ADAM12: variants seen among roughly 807,000 people sequenced by gnomAD.
ADAM12 encodes the protein ADAM metallopeptidase domain 12.
Under a neutral mutation model 106.4 loss-of-function variants are expected in ADAM12, and 70 were observed. That is an observed-to-expected ratio of 0.66 (90% CI 0.54 to 0.80). ADAM12 has a LOEUF of 0.80. Among genes scored for constraint, ADAM12 ranks in the 30% least tolerant of loss-of-function variants. The pLI is 0.00. For synonymous variants in ADAM12, 420 were observed against 433.5 expected (o/e 0.97, Z 0.39); for missense variants, 1,010 against 1,171.9 (o/e 0.86, Z 2.02).
At chr10:126,031,844 G>A (rs752936588) in intron 21 of ADAM12, among the ~76,000 whole-genome samples, 1 of 152,186 alleles carries the variant, frequency 6.6e-6, no homozygotes, top group Non-Finnish European at 1.5e-5. Context: ...TCTTTAAGAT[G>A]CAGTGAACAG....
At position 126,220,907 on chromosome 10, in the gene ADAM12, C is replaced by G. The variant is rs114515281; in HGVS notation, c.260+58008G>C. 4.5e-3 allele frequency among the ~76,000 whole-genome samples: 683 copies of G among 152,370 alleles called. 6 individuals carry two copies. Among genetic ancestry groups the G allele is most frequent in the African/African-American group, 0.015 (641 of 41,586 alleles). On this transcript the variant is annotated intron_variant, in intron 3 of 22. Transcript: ENST00000448723. ...GATCAGTGCCTTGGGGCAGGGAAAC[C>G]CGCATCTCCAGCAGGCCACATGGAG...
chr10:126,033,554 G>T (rs556545239), intron 21 of ADAM12, among the ~76,000 whole-genome samples: 1 of 152,250 alleles, frequency 6.6e-6, no homozygotes, highest in Non-Finnish European at 1.5e-5. Flanking sequence ...CTGCTATCTT[G>T]AGCCAAAAGA....
chr10:126,104,694 A>G (rs969098390), intron 8 of ADAM12, among the ~76,000 whole-genome samples: 1 of 152,170 alleles, frequency 6.6e-6, no homozygotes, highest in African/African-American at 2.4e-5. Context: ...GCCTAGAAGC[A>G]TGAGTGTCAG....
chr10:126,026,509 G>T (rs1359370287), intron 21 of ADAM12, among the ~76,000 whole-genome samples: 1 of 152,070 alleles, frequency 6.6e-6, no homozygotes, highest in Non-Finnish European at 1.5e-5. Context: ...CTCTAAAATT[G>T]ATCACGTAAT....
chr10:126,383,123 T>C (rs143672198), intron 1 of ADAM12, among the ~76,000 whole-genome samples: 3 of 151,916 alleles, frequency 2.0e-5, no homozygotes, highest in African/African-American at 7.3e-5. Context: ...TTTTTAAAAA[T>C]TTTTTGTTGA....
chr10:126,220,314 A>G (rs982395206), intron 3 of ADAM12, among the ~76,000 whole-genome samples: 1 of 152,214 alleles, frequency 6.6e-6, no homozygotes, highest in African/African-American at 2.4e-5. Flanking sequence ...AGGTGCTGAT[A>G]CTACAGTCCT....
At chr10:126,205,969 A>G (rs1019073144) in intron 3 of ADAM12, among the ~76,000 whole-genome samples, 3 of 152,252 alleles carry the variant, frequency 2.0e-5, no homozygotes, top group Non-Finnish European at 2.9e-5. Context: ...CACATAAAAA[A>G]TAACACATCA....
intron 11 of ADAM12, among the ~76,000 whole-genome samples, chr10:126,086,680 A>AAAATATATATATATATAT (rs1554966976): frequency 8.2e-5 from 2 of 24,266 alleles, no homozygotes; most frequent in Non-Finnish European, 1.2e-4. Flanking sequence ...AAAAAAAAAA[A>AAAATATATATATATATAT]ATATATATAT....
At chr10:126,282,877 G>C (rs1278252504) in intron 2 of ADAM12, among the ~76,000 whole-genome samples, 1 of 152,068 alleles carries the variant, frequency 6.6e-6, no homozygotes, top group African/African-American at 2.4e-5. Flanking sequence ...GCTGGGGGTG[G>C]GGGATGGTTT....
At position 126,202,499 on chromosome 10, in the gene ADAM12, TTCTC is replaced by T. The variant is rs139026512; in HGVS notation, c.261-47198_261-47195del. Among the ~76,000 whole-genome samples the T allele has an allele frequency of 3.1e-3, 467 of 149,384 alleles. 3 individuals are homozygous for T. The highest frequency in any genetic ancestry group is 0.018 in the South Asian group (85 of 4,742). Reference sequence around the variant, plus strand: ...GAAAAACCCCAAAATGCTCTACTACTTCTCTCTCTCTCTCTCTCTCTCTTTAACC... The same window carrying T: ...GAAAAACCCCAAAATGCTCTACTACTTCTCTCTCTCTCTCTCTCTTTAACC... On this transcript the variant is annotated intron_variant, in intron 3 of 22. Transcript: ENST00000448723.
At position 126,080,990 on chromosome 10, in the gene ADAM12, G is replaced by C. The variant is rs558907291; in HGVS notation, c.1146-9336C>G. ...TTTATCAACCTCGACAGTAGAAGTC[G>C]GGAGTTATCTGACTTGCAAAAGCTC... is the stretch of plus-strand genomic sequence containing the variant. On this transcript the variant is annotated intron_variant, in intron 11 of 22. Coordinates refer to ENST00000448723, the MANE Select transcript of ADAM12 (RefSeq NM_001288973.2). Among the ~76,000 whole-genome samples the C allele has an allele frequency of 4.6e-5, 7 of 152,160 alleles. No homozygotes were observed. In the South Asian group the frequency reaches 8.3e-4, roughly 18 times the overall value.
chr10:126,121,131 CTAT>C (rs1956090314), intron 5 of ADAM12, among the ~76,000 whole-genome samples: 1 of 81,372 alleles, frequency 1.2e-5, no homozygotes, highest in African/African-American at 5.2e-5. Context: ...AGTATATATA[CTAT>C]ATACTATATA....
intron 12 of ADAM12, 141 bp downstream of exon 12, chr10:126,071,336 T>C: frequency 1.1e-6 from 1 of 948,590 alleles, no homozygotes; most frequent in Non-Finnish European, 1.6e-6. Context: ...TCACGGGGCT[T>C]GTTCAGGATG....
intron 10 of ADAM12, among the ~76,000 whole-genome samples, chr10:126,098,211 C>T (rs964388473): frequency 6.6e-6 from 1 of 152,168 alleles, no homozygotes; most frequent in African/African-American, 2.4e-5. Flanking sequence ...TTTTACATGC[C>T]CACCTTTCCT....
At chr10:126,085,146 C>A (rs1955312476) in intron 11 of ADAM12, among the ~76,000 whole-genome samples, 1 of 152,174 alleles carries the variant, frequency 6.6e-6, no homozygotes, top group South Asian at 2.1e-4. Flanking sequence ...AAATTGTTTC[C>A]CTCACCCAGG....
intron 4 of ADAM12, among the ~76,000 whole-genome samples, chr10:126,151,603 T>TC (rs1956729382): frequency 6.6e-6 from 1 of 152,086 alleles, no homozygotes; most frequent in African/African-American, 2.4e-5. Context: ...AGAAGCTCCT[T>TC]CCACACCCTC....
At chr10:126,038,569 C>T (rs1165725540) in intron 19 of ADAM12, among the ~76,000 whole-genome samples, 1 of 152,216 alleles carries the variant, frequency 6.6e-6, no homozygotes, top group Admixed American at 6.5e-5. Context: ...TTCTCACGCT[C>T]CATAGAAATG....
At chr10:126,031,758 G>C (rs1483323085) in intron 21 of ADAM12, among the ~76,000 whole-genome samples, 2 of 152,174 alleles carry the variant, frequency 1.3e-5, no homozygotes, top group African/African-American at 4.8e-5. Context: ...AAAAGTTGTT[G>C]ATTAGGAGAA....
chr10:126,311,831 G>A (rs1961111980), intron 2 of ADAM12, among the ~76,000 whole-genome samples: 1 of 152,030 alleles, frequency 6.6e-6, no homozygotes, highest in South Asian at 2.1e-4. Flanking sequence ...GCTCATTGGT[G>A]TCCTTTACCA....
Sources: gnomAD v4.1 joint callset for allele counts (sites outside exome capture counted in the v4.1 genomes callset) on GRCh38, gnomAD v4.1.1 for gene constraint, MANE v1.5 for transcripts, NCBI Gene and HGNC (gene_info 2026-07-23, HGNC 2026-07-21) for gene names.